VWDE: variants seen among roughly 807,000 people sequenced by gnomAD.
VWDE encodes von Willebrand factor D and EGF domains.
Under a neutral mutation model 178.4 loss-of-function variants are expected in VWDE, and 207 were observed. The ratio of observed to expected loss-of-function variants is 1.16; its 90% CI spans 1.04 to 1.30. The LOEUF (loss-of-function observed/expected upper bound fraction) is 1.30. Ranked by LOEUF, VWDE falls within the 50% of genes most tolerant of loss-of-function variation. VWDE has a pLI of 0.00. For missense variants in VWDE, 2,287 were observed against 1,901.3 expected (o/e 1.20, Z -3.77); for synonymous variants, 738 against 651.4 (o/e 1.13, Z -2.02).
chr7:12,391,620 T>G (rs1469348363), intron 2 of VWDE, among the ~76,000 whole-genome samples: 1 of 152,186 alleles, frequency 6.6e-6, no homozygotes, highest in African/African-American at 2.4e-5. Context: ...TTTAGTTCTT[T>G]ACAAATGAAG....
intron 11 of VWDE, 31 bp from the exon 12 acceptor site, chr7:12,370,540 A>T: frequency 6.5e-7 from 1 of 1,529,202 alleles, no homozygotes; most frequent in Non-Finnish European, 8.8e-7. Flanking sequence ...AAGAATAGTA[A>T]TTTTGTACAT....
At position 12,343,143 on chromosome 7, in the gene VWDE, A is replaced by G. The variant is rs905158625; in HGVS notation, c.4114T>C (p.Cys1372Arg). The G allele has an allele frequency of 2.6e-6, 4 of 1,549,712 alleles. No homozygotes were observed. The highest frequency in any genetic ancestry group is 2.0e-5 in the Admixed American group (1 of 50,908). Residue 1372 changes from cysteine to arginine, a missense_variant, in exon 22 of 29, where the codon TGC (cysteine) becomes CGC (arginine). Cys to Arg is a radical substitution (Grantham distance 180). Transcript: ENST00000275358. ...CNPPCQHGGT[C>R]LAGNLCTCPY... ...CAAGTGCAGAGATTCCCAGCCAAGC[A>G]TGTGCCACCATGTTGACAAGGTGGG... is the stretch of plus-strand genomic sequence containing the variant.
intron 16 of VWDE, among the ~76,000 whole-genome samples, chr7:12,359,250 C>T (rs1782439597): frequency 6.6e-6 from 1 of 152,134 alleles, no homozygotes; most frequent in South Asian, 2.1e-4. Flanking sequence ...AGTCCAGATA[C>T]CTTGTTTAAC....
intron 19 of VWDE, among the ~76,000 whole-genome samples, chr7:12,350,988 T>TC (rs1343658072): frequency 6.6e-6 from 1 of 152,080 alleles, no homozygotes; most frequent in African/African-American, 2.4e-5. Flanking sequence ...TACATCAGAG[T>TC]ATTCAGTAAG....
At chr7:12,383,048 T>C (rs1050729101) in intron 4 of VWDE, among the ~76,000 whole-genome samples, 6 of 151,906 alleles carry the variant, frequency 3.9e-5, no homozygotes, top group African/African-American at 1.4e-4. Context: ...TATTGTATAA[T>C]GTACTTCTAT....
intron 18 of VWDE, among the ~76,000 whole-genome samples, chr7:12,355,309 G>A (rs1420045881): frequency 6.6e-6 from 1 of 151,806 alleles, no homozygotes; most frequent in South Asian, 2.1e-4. Flanking sequence ...CCAGCCACTC[G>A]GGAGGCTGAG....
In VWDE at chr7:12,374,766, A is replaced by G. The variant is rs562264555; in HGVS notation, c.1243-4T>C. 2 of 1,517,584 alleles carry G rather than the reference A, an allele frequency of 1.3e-6. No individual in the cohort carries two copies. Among genetic ancestry groups the G allele is most frequent in the East Asian group, 5.0e-5 (2 of 40,380 alleles). The allele number at this position is 1,517,584 out of a possible 1,614,324, so 94.0% of individuals were successfully genotyped here. A position where few individuals can be genotyped will look rare whatever the true frequency, so the allele number is the denominator to read the frequency against. On this transcript the variant is annotated splice_polypyrimidine_tract_variant and splice_region_variant and intron_variant, in intron 8 of 28. Transcript: ENST00000275358. ...TTGGGACATCCTTTACTTTGATCTT[A>G]AAAGCAAAGATATTTTTGGTAAATA...
intron 3 of VWDE, among the ~76,000 whole-genome samples, chr7:12,384,275 A>G (rs1291179657): frequency 6.6e-6 from 1 of 152,112 alleles, no homozygotes; most frequent in Non-Finnish European, 1.5e-5. Flanking sequence ...AGTGATTCCA[A>G]CTATATGAAA....
intron 6 of VWDE, among the ~76,000 whole-genome samples, chr7:12,378,987 C>A (rs1335988459): frequency 6.6e-6 from 1 of 152,140 alleles, no homozygotes; most frequent in African/African-American, 2.4e-5. Flanking sequence ...GTCATCTCTG[C>A]TCATCTGCTA....
At chr7:12,350,275 T>C (rs1248647977) in intron 19 of VWDE, among the ~76,000 whole-genome samples, 1 of 151,650 alleles carries the variant, frequency 6.6e-6, no homozygotes, top group African/African-American at 2.4e-5. Flanking sequence ...TATAATTGCA[T>C]AAACACATAA....
chr7:12,349,610 A>G (rs950302355), intron 19 of VWDE, among the ~76,000 whole-genome samples: 1 of 152,014 alleles, frequency 6.6e-6, no homozygotes, highest in Middle Eastern at 3.5e-3. Flanking sequence ...CCTATTATGT[A>G]TAGGATCAGA....
intron 1 of VWDE, among the ~76,000 whole-genome samples, chr7:12,400,211 T>A (rs1326097171): frequency 6.6e-6 from 1 of 151,944 alleles, no homozygotes; most frequent in Non-Finnish European, 1.5e-5. Flanking sequence ...GAAGGAAATT[T>A]TAAAGATTGG....
chr7:12,382,200 G>C (rs1465373960), intron 4 of VWDE, among the ~76,000 whole-genome samples: 1 of 151,356 alleles, frequency 6.6e-6, no homozygotes, highest in African/African-American at 2.4e-5. Flanking sequence ...TTAATTAATT[G>C]CATAAATGTT....
chr7:12,359,458 G>A, intron 16 of VWDE, 120 bp downstream of exon 16: 4 of 610,184 alleles, frequency 6.6e-6, no homozygotes, highest in Non-Finnish European at 1.2e-5. Context: ...GCAGTTAGGA[G>A]AGATGCTAAA....
chr7:12,360,223 C>T (rs182257370), intron 15 of VWDE, among the ~76,000 whole-genome samples: 20 of 152,148 alleles, frequency 1.3e-4, no homozygotes, highest in African/African-American at 3.6e-4. Flanking sequence ...ACAGAAAGAA[C>T]ATTAAATGTA....
At chr7:12,336,539 G>A (rs1426579947) in intron 26 of VWDE, among the ~76,000 whole-genome samples, 2 of 152,124 alleles carry the variant, frequency 1.3e-5, no homozygotes, top group Non-Finnish European at 2.9e-5. Flanking sequence ...TCTAGTAGCA[G>A]CTAATTTAAA....
intron 18 of VWDE, among the ~76,000 whole-genome samples, chr7:12,353,189 A>G (rs566367388): frequency 2.0e-5 from 3 of 152,304 alleles, no homozygotes; most frequent in East Asian, 3.9e-4. Flanking sequence ...ATGATCCAAG[A>G]CCAAAGTGAT....
chr7:12,370,190 T>G lies in VWDE; in HGVS notation c.2116A>C (p.Lys706Gln), dbSNP rs1054319275. The part of the protein sequence containing the change: ...LQEKKHINLT[K>Q]LGLNVQKHPG... ...TGTTTTTGTACATTTAAGCCGAGTTTAGTCAGGTTTATGTGTTTTTTTTCT... is the reference window on the plus strand; with the variant it reads ...TGTTTTTGTACATTTAAGCCGAGTTGAGTCAGGTTTATGTGTTTTTTTTCT... The change falls in exon 12 of 29, where the codon AAA becomes CAA. Residue 706 changes from lysine to glutamine, a missense_variant. Physicochemically the swap from Lys to Gln is moderately conservative, Grantham distance 53. Coordinates refer to ENST00000275358, the MANE Select transcript of VWDE (RefSeq NM_001135924.3). 7.7e-6 allele frequency: 12 copies of G among 1,551,336 alleles called. No homozygotes were observed. The highest frequency in any genetic ancestry group is 1.0e-5 in the Non-Finnish European group (12 of 1,146,892).
intron 4 of VWDE, among the ~76,000 whole-genome samples, chr7:12,381,738 T>C (rs1192679394): frequency 2.0e-5 from 3 of 151,876 alleles, no homozygotes; most frequent in Non-Finnish European, 2.9e-5. Flanking sequence ...TGAATATATA[T>C]TTGATTTTAA....
Sources: gnomAD v4.1 joint callset for allele counts (sites outside exome capture counted in the v4.1 genomes callset) on GRCh38, gnomAD v4.1.1 for gene constraint, MANE v1.5 for transcripts, NCBI Gene and HGNC (gene_info 2026-07-23, HGNC 2026-07-21) for gene names.